CNKSR1: variants seen among roughly 807,000 people sequenced by gnomAD.
The protein encoded by CNKSR1 is connector enhancer of kinase suppressor of Ras 1, also known as CNK homolog protein 1.
A neutral mutation model predicts 95.6 loss-of-function variants in CNKSR1; 88 were observed. The ratio of observed to expected loss-of-function variants is 0.92; its 90% CI spans 0.78 to 1.10. CNKSR1 has a LOEUF of 1.10. Among genes scored for constraint, CNKSR1 ranks in the 50% least tolerant of loss-of-function variants. The probability of loss-of-function intolerance (pLI) is 0.00; values close to 1 mark genes in which losing one functional copy is unlikely to be tolerated. For missense variants in CNKSR1, 836 were observed against 912.0 expected, an observed-to-expected ratio of 0.92 and a Z score of 1.07; for synonymous variants, 355 against 369.7, an observed-to-expected ratio of 0.96 and a Z score of 0.46.
At position 26,180,586 on chromosome 1, in the gene CNKSR1, C is replaced by T. The variant is rs200570653; in HGVS notation, c.186C>T (p.Gly62=). The T allele has an allele frequency of 1.7e-4, 278 of 1,614,182 alleles. No individual in the cohort carries two copies. Among genetic ancestry groups the T allele is most frequent in the African/African-American group, 8.3e-4 (62 of 75,044 alleles). The change falls in exon 2 of 21, where the codon GGC becomes GGT. Residue 62 remains glycine (G), a synonymous_variant. Coordinates refer to ENST00000361530, the MANE Select transcript of CNKSR1 (RefSeq NM_006314.3). ...TGGGACACCAGGAGCTCATCCTGGG[C>T]GGGGTGGAACAGCTCCAGGCCCTGG... ...RSLGHQELIL[G]GVEQLQALSS...
rs1487908282 is a variant in CNKSR1 at position 26,187,523 on chromosome 1, C to T, written c.1454+41C>T. 8.7e-6 allele frequency: 14 copies of T among 1,600,314 alleles called. No homozygotes were observed. The African/African-American group carries it at 1.5e-4, about 17-fold the overall frequency. Reference sequence around the variant, plus strand: ...CTTAGCCCCTACTCTCATATGATTCCCAAACTCTGTGAGCTTGGGAGCCTA... The same window carrying T: ...CTTAGCCCCTACTCTCATATGATTCTCAAACTCTGTGAGCTTGGGAGCCTA... On this transcript the variant is annotated intron_variant, in intron 16 of 20. Transcript: ENST00000361530.
At chr1:26,187,823 A>G (rs1041618655) in intron 16 of CNKSR1, among the ~76,000 whole-genome samples, 3 of 151,620 alleles carry the variant, frequency 2.0e-5, no homozygotes, top group East Asian at 1.9e-4. Flanking sequence ...GGGTTTCACT[A>G]TGTTGGCCAG....
At chr1:26,183,853 G>A (rs761043004) in intron 9 of CNKSR1, 23 bp downstream of exon 9, 35 of 1,017,886 alleles carry the variant, frequency 3.4e-5, no homozygotes, top group African/African-American at 1.6e-4. Context: ...GCCGCCCCCC[G>A]ACCTGCCTTC....
At position 26,189,859 on chromosome 1, in the gene CNKSR1, C is replaced by A. The variant is rs571520647; in HGVS notation, c.*311C>A. 8.5e-6 allele frequency: 5 copies of A among 586,386 alleles called. No individual in the cohort carries two copies. The highest frequency in any genetic ancestry group is 7.9e-5 in the Admixed American group (3 of 38,042). The allele number at this position is 586,386 out of a possible 1,614,324, so 36.3% of individuals were successfully genotyped here. A position where few individuals can be genotyped will look rare whatever the true frequency, so the allele number is the denominator to read the frequency against. ...ATTTTACATGAGGGCTACTTTCCAA[C>A]CAAATAAAGTCAATTTTTCTAAGAA... On this transcript the variant is annotated 3_prime_UTR_variant, in exon 21 of 21. Coordinates refer to ENST00000361530, the MANE Select transcript of CNKSR1 (RefSeq NM_006314.3).
At chr1:26,186,347 C>T (rs1314784463) in intron 14 of CNKSR1, among the ~76,000 whole-genome samples, 1 of 152,246 alleles carries the variant, frequency 6.6e-6, no homozygotes, top group Non-Finnish European at 1.5e-5. Flanking sequence ...GTCACCCAGG[C>T]TGGAGGGCAG....
Position 26,183,337 on chromosome 1 carries a change from C to T in CNKSR1, c.685-9C>T, listed in dbSNP as rs1482299306. 2 of 1,614,194 alleles carry T rather than the reference C, an allele frequency of 1.2e-6. No homozygotes were observed. ...CCAGGCCAACCTCAGGCCCCATTCCCCACGTCAGGTTCCCACTGACTCCCG... is the reference window on the plus strand; with the variant it reads ...CCAGGCCAACCTCAGGCCCCATTCCTCACGTCAGGTTCCCACTGACTCCCG... On this transcript the variant is annotated splice_polypyrimidine_tract_variant and intron_variant, in intron 7 of 20. Transcript: ENST00000361530.
chr1:26,184,305 T>C lies in CNKSR1; in HGVS notation c.1000+18T>C. 1.9e-6 allele frequency: 3 copies of C among 1,612,742 alleles called. No homozygotes were observed. The highest frequency in any genetic ancestry group is 2.5e-6 in the Non-Finnish European group (3 of 1,178,922). ...CTGGACAGGTAGTCTCAAAGCTCCA[T>C]GGATGCCCCGGACACGGCATCTGGG... On this transcript the variant is annotated intron_variant, in intron 11 of 20. Coordinates refer to ENST00000361530, the MANE Select transcript of CNKSR1 (RefSeq NM_006314.3).
intron 5 of CNKSR1, 35 bp from the exon 6 acceptor site, chr1:26,182,445 G>C: frequency 6.2e-7 from 1 of 1,613,794 alleles, no homozygotes; most frequent in Non-Finnish European, 8.5e-7. Context: ...AGGGGCGATC[G>C]GGCTCAGGCT....
intron 18 of CNKSR1, 34 bp downstream of exon 18, chr1:26,188,537 G>T (rs371222182): frequency 1.2e-6 from 2 of 1,607,606 alleles, no homozygotes; most frequent in Non-Finnish European, 1.7e-6. Context: ...AGGAGGTGGG[G>T]ATAAACAACA....
At position 26,180,735 on chromosome 1, in the gene CNKSR1, G is replaced by A. The variant is rs2088633869; in HGVS notation, c.231G>A (p.Glu77=). 1 of 1,614,212 alleles carries A rather than the reference G, an allele frequency of 6.2e-7. No individual in the cohort carries two copies. Among genetic ancestry groups the A allele is most frequent in the Non-Finnish European group, 8.5e-7 (1 of 1,180,020 alleles). The change falls in exon 3 of 21, where the codon GAG becomes GAA. Residue 77 remains glutamate (E), a synonymous_variant. Coordinates refer to ENST00000361530, the MANE Select transcript of CNKSR1 (RefSeq NM_006314.3). ...LQALSSRLQT[E]NLQSLTEGLL... is the part of the protein sequence containing the mutation. ...CACAGAGCTCCAGGCTACAGACAGA[G>A]AACCTGCAAAGCCTGACAGAGGGAC...
chr1:26,187,567 T>TA, intron 16 of CNKSR1, 85 bp downstream of exon 16: 3 of 1,328,462 alleles, frequency 2.3e-6, no homozygotes, highest in Non-Finnish European at 3.2e-6. Context: ...AGCCTGGAGA[T>TA]ACAAATTCCA....
At chr1:26,189,109 T>G (rs1187954612) in intron 20 of CNKSR1, among the ~76,000 whole-genome samples, 156 bp downstream of exon 20, 1 of 152,166 alleles carries the variant, frequency 6.6e-6, no homozygotes, top group Non-Finnish European at 1.5e-5. Flanking sequence ...AGCTGTGGAC[T>G]GGGCCAGGCT....
At position 26,188,882 on chromosome 1, in the gene CNKSR1, A is replaced by T; in HGVS notation, c.1801A>T (p.Met601Leu). The T allele has an allele frequency of 6.2e-7, 1 of 1,612,936 alleles. No individual in the cohort carries two copies. The highest frequency in any genetic ancestry group is 1.3e-5 in the African/African-American group (1 of 74,748). The change falls in exon 20 of 21, where the codon ATG becomes TTG. Residue 601 changes from methionine to leucine, a missense_variant. Physicochemically the swap from Met to Leu is conservative, Grantham distance 15 (BLOSUM62 2). Coordinates refer to ENST00000361530, the MANE Select transcript of CNKSR1 (RefSeq NM_006314.3). ...CCAGGAACAGTGGCGGAGCTCTTTC[A>T]TGCGGCGCAACCGAGACCCTCAGCT... ...LTQEQWRSSF[M>L]RRNRDPQLNE...
chr1:26,178,161 G>C (rs534420030), intron 1 of CNKSR1, among the ~76,000 whole-genome samples: 1 of 152,294 alleles, frequency 6.6e-6, no homozygotes, highest in Non-Finnish European at 1.5e-5. Context: ...GGTGATAATG[G>C]GGAGGCGGTG....
At position 26,187,242 on chromosome 1, in the gene CNKSR1, G is replaced by T; in HGVS notation, c.1382+1G>T. The T allele has an allele frequency of 6.2e-7, 1 of 1,613,128 alleles. No homozygotes were observed. The highest frequency in any genetic ancestry group is 1.3e-5 in the African/African-American group (1 of 75,036). ...GTGGACATGATCAGAAGAAGAAATA[G>T]TTAAGTCTTGGGGTGTGATGGGCTG... is the stretch of plus-strand genomic sequence containing the variant. On this transcript the variant is annotated splice_donor_variant, in intron 15 of 20. Transcript: ENST00000361530. LOFTEE classifies it high-confidence loss of function.
chr1:26,180,618 A>G lies in CNKSR1; in HGVS notation c.210+8A>G. 1 of 1,614,126 alleles carries G rather than the reference A, an allele frequency of 6.2e-7. No individual in the cohort carries two copies. The highest frequency in any genetic ancestry group is 8.5e-7 in the Non-Finnish European group (1 of 1,180,010). On this transcript the variant is annotated splice_region_variant and intron_variant, in intron 2 of 20. Coordinates refer to ENST00000361530, the MANE Select transcript of CNKSR1 (RefSeq NM_006314.3). ...GAACAGCTCCAGGCCCTGGTGAGTGAATGCTGGTCACACTGGCTGCAGCTT... is the reference window on the plus strand; with the variant it reads ...GAACAGCTCCAGGCCCTGGTGAGTGGATGCTGGTCACACTGGCTGCAGCTT...
At chr1:26,184,678 C>T (rs2088716502) in intron 13 of CNKSR1, 66 bp downstream of exon 13, 2 of 1,522,018 alleles carry the variant, frequency 1.3e-6, no homozygotes, top group Non-Finnish European at 1.8e-6. Flanking sequence ...TCTTTACATG[C>T]TGGGCAAGAC....
At chr1:26,186,667 G>A (rs1016296722) in intron 14 of CNKSR1, among the ~76,000 whole-genome samples, 2 of 152,014 alleles carry the variant, frequency 1.3e-5, no homozygotes, top group African/African-American at 2.4e-5. Context: ...GTAGAGATGG[G>A]GTTTCACCAT....
rs1206605955 is a variant in CNKSR1 at position 26,180,825 on chromosome 1, C to T, written c.321C>T (p.Thr107=). The T allele has an allele frequency of 1.9e-6, 3 of 1,614,118 alleles. No individual in the cohort carries two copies. Among genetic ancestry groups the T allele is most frequent in the Non-Finnish European group, 2.5e-6 (3 of 1,180,050 alleles). The stretch of plus-strand genomic sequence containing the variant: ...GCTGCCTGGGGGACTGTGCCAAGAC[C>T]CCTATTGATGTCCTCTGTGCAGCTG... The part of the protein sequence containing the change: ...VQGCLGDCAK[T]PIDVLCAAVE... The change falls in exon 3 of 21, where the codon ACC becomes ACT. Residue 107 remains threonine, a synonymous_variant. Transcript: ENST00000361530.
Sources: gnomAD v4.1 joint callset for allele counts (sites outside exome capture counted in the v4.1 genomes callset) on GRCh38, gnomAD v4.1.1 for gene constraint, MANE v1.5 for transcripts, NCBI Gene and HGNC (gene_info 2026-07-23, HGNC 2026-07-21) for gene names.